GPR35: variants seen among roughly 807,000 people sequenced by gnomAD.
GPR35 encodes G protein-coupled receptor 35.
For synonymous variants in GPR35, 207 were observed against 198.4 expected, an observed-to-expected ratio of 1.04 and a Z score of -0.36; for missense variants, 372 against 422.5, an observed-to-expected ratio of 0.88 and a Z score of 1.05.
intron 2 of GPR35, among the ~76,000 whole-genome samples, chr2:240,615,281 C>T (rs2043227747): frequency 6.6e-6 from 1 of 152,208 alleles, no homozygotes; most frequent in Admixed American, 6.5e-5. Context: ...TTGCCGAGTC[C>T]TCTCTAAGCC....
chr2:240,619,272 T>C (rs990302528), intron 5 of GPR35, among the ~76,000 whole-genome samples: 2 of 152,162 alleles, frequency 1.3e-5, no homozygotes, highest in Non-Finnish European at 2.9e-5. Context: ...TTTATGATCG[T>C]TTTGAGCTTA....
At position 240,631,721 on chromosome 2, in the gene GPR35, T is replaced by C. The variant is rs2043451126; in HGVS notation, c.*839T>C. Among the ~76,000 whole-genome samples, 1 of 152,188 alleles carries C rather than the reference T, an allele frequency of 6.6e-6. No individual in the cohort carries two copies. The highest frequency in any genetic ancestry group is 1.5e-5 in the Non-Finnish European group (1 of 68,022). Reference sequence around the variant, plus strand: ...AGGTAAAGGCACGATGTCCTGCTGGTTTCTGCCTCTCCTGTACTCCTGCAT... The same window carrying C: ...AGGTAAAGGCACGATGTCCTGCTGGCTTCTGCCTCTCCTGTACTCCTGCAT... On this transcript the variant is annotated 3_prime_UTR_variant, in exon 2 of 2. Transcript: ENST00000407714.
chr2:240,630,088 T>C lies in GPR35; in HGVS notation c.136T>C (p.Cys46Arg), dbSNP rs1432630604. 6.2e-7 allele frequency: 1 copy of C among 1,610,266 alleles called. No individual in the cohort carries two copies. Among genetic ancestry groups the C allele is most frequent in the African/African-American group, 1.3e-5 (1 of 74,954 alleles). ...CAACAGCCTGGCGCTCTGGGTGTTC[T>C]GCTGCCGCATGCAGCAGTGGACGGA... is the stretch of plus-strand genomic sequence containing the variant. ...LLNSLALWVF[C>R]CRMQQWTETR... The change falls in exon 2 of 2, where the codon TGC becomes CGC. Residue 46 changes from cysteine to arginine, a missense_variant. Coordinates refer to ENST00000407714, the MANE Select transcript of GPR35 (RefSeq NM_005301.5).
chr2:240,613,817 A>C (rs1378656235), intron 2 of GPR35, among the ~76,000 whole-genome samples: 4 of 147,254 alleles, frequency 2.7e-5, no homozygotes, highest in African/African-American at 2.5e-5. Flanking sequence ...AACCCTAACC[A>C]TAACACTAAC....
At chr2:240,612,944 C>T (rs553245268) in intron 2 of GPR35, among the ~76,000 whole-genome samples, 33 of 152,330 alleles carry the variant, frequency 2.2e-4, no homozygotes, top group Non-Finnish European at 4.1e-4. Context: ...CCCAGGGGCG[C>T]GGACATAACC....
In GPR35 at chr2:240,632,964, G is replaced by C. The variant is rs554135578; in HGVS notation, c.*2082G>C. 6.6e-6 allele frequency among the ~76,000 whole-genome samples: 1 copy of C among 152,344 alleles called. No individual in the cohort carries two copies. The highest frequency in any genetic ancestry group is 2.4e-5 in the African/African-American group (1 of 41,576). ...TCATGGGGGCTGTTTCCCACATGCTGTTCTCATGATAGTGAGTGAGTTCTC... is the reference window on the plus strand; with the variant it reads ...TCATGGGGGCTGTTTCCCACATGCTCTTCTCATGATAGTGAGTGAGTTCTC... On this transcript the variant is annotated 3_prime_UTR_variant, in exon 2 of 2. Coordinates refer to ENST00000407714, the MANE Select transcript of GPR35 (RefSeq NM_005301.5).
chr2:240,623,547 G>A (rs1335189463), upstream of GPR35, among the ~76,000 whole-genome samples: 1 of 152,054 alleles, frequency 6.6e-6, no homozygotes, highest in African/African-American at 2.4e-5. Flanking sequence ...GGGGCCCTGG[G>A]GGTGAGCGGG....
intron 2 of GPR35, among the ~76,000 whole-genome samples, chr2:240,615,212 C>A (rs923302868): frequency 1.3e-5 from 2 of 152,142 alleles, no homozygotes; most frequent in African/African-American, 2.4e-5. Flanking sequence ...TGCAGTCTCC[C>A]CAGGGCTCAC....
chr2:240,625,557 A>G lies in GPR35; in HGVS notation c.-16A>G. Reference sequence around the variant, plus strand: ...TCACACACTCCACCCGGGAGGCCAAAGCTGCCTGCAGGTCAGTGCCGCCCA... The same window carrying G: ...TCACACACTCCACCCGGGAGGCCAAGGCTGCCTGCAGGTCAGTGCCGCCCA... On this transcript the variant is annotated 5_prime_UTR_variant, in exon 1 of 2. Coordinates refer to ENST00000407714, the MANE Select transcript of GPR35 (RefSeq NM_005301.5). The G allele has an allele frequency of 1.0e-6, 1 of 985,858 alleles. No individual in the cohort carries two copies. The highest frequency in any genetic ancestry group is 1.2e-6 in the Non-Finnish European group (1 of 830,256). The allele number at this position is 985,858 out of a possible 1,614,324, so 61.1% of individuals were successfully genotyped here. A position where few individuals can be genotyped will look rare whatever the true frequency, so the allele number is the denominator to read the frequency against.
chr2:240,616,069 C>T (rs1338995264), intron 2 of GPR35, among the ~76,000 whole-genome samples: 2 of 151,738 alleles, frequency 1.3e-5, no homozygotes, highest in African/African-American at 4.9e-5. Flanking sequence ...CTCCACGGTT[C>T]CCCAGGCCAG....
At chr2:240,608,571 A>G (rs966002895) in intron 2 of GPR35, among the ~76,000 whole-genome samples, 15 of 152,356 alleles carry the variant, frequency 9.8e-5, no homozygotes, top group East Asian at 9.6e-4. Flanking sequence ...TAATGCTAAA[A>G]TAAACCTTTT....
chr2:240,614,718 C>T (rs373329516), intron 2 of GPR35, among the ~76,000 whole-genome samples: 36 of 152,312 alleles, frequency 2.4e-4, no homozygotes, highest in South Asian at 1.2e-3. Flanking sequence ...GGCATGGCAC[C>T]GCCATGCCCC....
exon 1 of GPR35, chr2:240,605,510 C>T (rs765074696): frequency 1.3e-5 from 2 of 152,276 alleles, no homozygotes; most frequent in African/African-American, 2.4e-5. Flanking sequence ...CTGATACTGC[C>T]GTCTTCTCTT....
Position 240,630,366 on chromosome 2 carries a change from G to T in GPR35, c.414G>T (p.Ala138=), listed in dbSNP as rs368592018. The T allele has an allele frequency of 3.7e-6, 6 of 1,608,184 alleles. No homozygotes were observed. Among genetic ancestry groups the T allele is most frequent in the African/African-American group, 1.3e-5 (1 of 74,926 alleles). The change falls in exon 2 of 2, where the codon GCG becomes GCT. Residue 138 remains alanine, a synonymous_variant. Coordinates refer to ENST00000407714, the MANE Select transcript of GPR35 (RefSeq NM_005301.5). ...CCAGGCAGGCTGCGGCCGTGTGCGC[G>T]GTCCTCTGGGTGCTGGTCATCGGCT... is the stretch of plus-strand genomic sequence containing the variant. ...RSPRQAAAVC[A]VLWVLVIGSL...
upstream of GPR35, among the ~76,000 whole-genome samples, chr2:240,623,395 GTCGTGAGGGCGCAAACAGA>G (rs1285855687): frequency 0.011 from 1,062 of 97,244 alleles, 56 homozygotes; most frequent in East Asian, 0.026. Flanking sequence ...GCGCAAACAG[GTCGTGAGGGCGCAAACAGA>G]TCGTGAGGGC....
chr2:240,606,776 G>A (rs1196800430), intron 2 of GPR35, among the ~76,000 whole-genome samples: 1 of 152,202 alleles, frequency 6.6e-6, no homozygotes, highest in Non-Finnish European at 1.5e-5. Context: ...AGTGGGCTTG[G>A]AGAATATGGC....
At position 240,630,518 on chromosome 2, in the gene GPR35, T is replaced by C; in HGVS notation, c.566T>C (p.Phe189Ser). 1 of 1,612,886 alleles carries C rather than the reference T, an allele frequency of 6.2e-7. No individual in the cohort carries two copies. The change falls in exon 2 of 2, where the codon TTC (phenylalanine) becomes TCC (serine). Residue 189 changes from phenylalanine (F) to serine (S), a missense_variant. By Grantham distance (155) the Phe-to-Ser change is radical. Coordinates refer to ENST00000407714, the MANE Select transcript of GPR35 (RefSeq NM_005301.5). ...GFYLPLAVVV[F>S]CSLKVVTALA... Reference sequence around the variant, plus strand: ...TACCTGCCCCTGGCCGTGGTGGTCTTCTGCTCCCTGAAGGTGGTGACTGCC... The same window carrying C: ...TACCTGCCCCTGGCCGTGGTGGTCTCCTGCTCCCTGAAGGTGGTGACTGCC...
chr2:240,614,462 G>A (rs2043220083), intron 2 of GPR35, among the ~76,000 whole-genome samples: 1 of 152,204 alleles, frequency 6.6e-6, no homozygotes, highest in Admixed American at 6.5e-5. Context: ...AGGGACTTGA[G>A]CCAGCCCCTG....
chr2:240,624,118 C>G (rs536379402), upstream of GPR35, among the ~76,000 whole-genome samples: 1 of 152,136 alleles, frequency 6.6e-6, no homozygotes, highest in Admixed American at 6.5e-5. Flanking sequence ...TGGGAGATGC[C>G]GTGCCCTGCA....
Sources: gnomAD v4.1 joint callset for allele counts (sites outside exome capture counted in the v4.1 genomes callset) on GRCh38, gnomAD v4.1.1 for gene constraint, MANE v1.5 for transcripts, NCBI Gene and HGNC (gene_info 2026-07-23, HGNC 2026-07-21) for gene names.